Variants in SUB1 observed in about 807,000 individuals in gnomAD.
The protein encoded by SUB1 is activated RNA polymerase II transcriptional coactivator p15.
A neutral mutation model predicts 16.9 loss-of-function variants in SUB1; 1 was observed. The ratio of observed to expected loss-of-function variants is 0.06; its 90% CI spans 0.02 to 0.28. SUB1 has a LOEUF of 0.28. Among genes scored for constraint, SUB1 ranks in the 10% least tolerant of loss-of-function variants. SUB1 has a pLI of 1.00. For synonymous variants in SUB1, 51 were observed against 46.9 expected (o/e 1.09, Z -0.36); for missense variants, 84 against 145.2 (o/e 0.58, Z 2.16).
intron 4 of SUB1, 78 bp downstream of exon 4, chr5:32,599,147 T>C: frequency 9.7e-7 from 1 of 1,027,802 alleles, no homozygotes; most frequent in Non-Finnish European, 1.5e-6. Context: ...CTTGAAATGT[T>C]GGCAGGACAC....
At chr5:32,594,110 A>T (rs896303224) in intron 3 of SUB1, among the ~76,000 whole-genome samples, 5 of 152,230 alleles carry the variant, frequency 3.3e-5, no homozygotes, top group Admixed American at 6.5e-5. Flanking sequence ...ATACATAAGC[A>T]GTTCTCTAAA....
In SUB1 at chr5:32,599,165, A is replaced by C. The variant is rs527607608; in HGVS notation, c.304+96A>C. 103 of 822,148 alleles carry C rather than the reference A, an allele frequency of 1.3e-4. No individual in the cohort carries two copies. The South Asian group carries it at 1.4e-3, about 11-fold the overall frequency. 50.9% of individuals were successfully genotyped at this position (822,148 alleles called of 1,614,324 possible). On this transcript the variant is annotated intron_variant, in intron 4 of 4. Coordinates refer to ENST00000265073, the MANE Select transcript of SUB1 (RefSeq NM_006713.4). The stretch of plus-strand genomic sequence containing the variant: ...GAAATGTTGGCAGGACACACGGGGC[A>C]AGGAAGAGTCTTACTCAATTGATTC...
chr5:32,591,659 A>T lies in SUB1; in HGVS notation c.169A>T (p.Ser57Cys), dbSNP rs144427788. ...CCTGTCATCTTCTAAACAGAGCAGCAGCAGCAGAGATGATAACATGTTTCA... is the reference window on the plus strand; with the variant it reads ...CCTGTCATCTTCTAAACAGAGCAGCTGCAGCAGAGATGATAACATGTTTCA... ...RALSSSKQSS[S>C]SRDDNMFQIG... Residue 57 changes from serine (S) to cysteine (C), a missense_variant, in exon 3 of 5, where the codon AGC becomes TGC. This residue lies in a region of SUB1 where 60 missense variants were observed against 64.9 expected (regional missense o/e 0.92). Transcript: ENST00000265073. The T allele has an allele frequency of 6.3e-7, 1 of 1,592,312 alleles. No homozygotes were observed. The highest frequency in any genetic ancestry group is 1.4e-5 in the African/African-American group (1 of 73,250).
chr5:32,589,453 T>A (rs2111656705), intron 2 of SUB1, among the ~76,000 whole-genome samples: 1 of 152,352 alleles, frequency 6.6e-6, no homozygotes. Context: ...GTTTTCTGAA[T>A]TTTAGACTTG....
intron 2 of SUB1, among the ~76,000 whole-genome samples, chr5:32,590,843 C>T (rs1738806049): frequency 6.8e-6 from 1 of 146,018 alleles, no homozygotes; most frequent in African/African-American, 2.5e-5. Flanking sequence ...TCTCGGCTCA[C>T]TGCAACCTCA....
intron 3 of SUB1, chr5:32,597,357 T>C (rs1230278205): frequency 6.6e-6 from 1 of 152,218 alleles, no homozygotes; most frequent in Non-Finnish European, 1.5e-5. Flanking sequence ...GCTTATTTCA[T>C]TGACGTAGTA....
At chr5:32,588,402 A>G in intron 1 of SUB1, 110 bp from the exon 2 acceptor site, 1 of 949,824 alleles carries the variant, frequency 1.1e-6, no homozygotes, top group Non-Finnish European at 1.6e-6. Flanking sequence ...CAAAAATGGT[A>G]GAATGAACCG....
At chr5:32,595,096 C>T (rs1738925417) in intron 3 of SUB1, 2 of 151,962 alleles carry the variant, frequency 1.3e-5, no homozygotes, top group African/African-American at 4.8e-5. Context: ...ACTACTATCT[C>T]ATCACTTGTT....
intron 3 of SUB1, 132 bp downstream of exon 3, chr5:32,591,817 A>T: frequency 9.2e-7 from 1 of 1,081,458 alleles, no homozygotes. Flanking sequence ...TCTCTGCCTC[A>T]GCCTCCCGAG....
chr5:32,591,637 G>A lies in SUB1; in HGVS notation c.147G>A (p.Leu49=), dbSNP rs1306412252. The A allele has an allele frequency of 2.5e-6, 4 of 1,608,726 alleles. No individual in the cohort carries two copies. In the African/African-American group the frequency reaches 4.0e-5, roughly 16 times the overall value. Residue 49 remains leucine (L), a synonymous_variant, in exon 3 of 5, where the codon CTG becomes CTA. Transcript: ENST00000265073. ...KQKTGETSRA[L]SSSKQSSSSR... ...AGACAGGTGAGACTTCGAGAGCCCT[G>A]TCATCTTCTAAACAGAGCAGCAGCA...
chr5:32,596,603 C>G (rs946776194), intron 3 of SUB1: 6 of 152,064 alleles, frequency 3.9e-5, no homozygotes, highest in African/African-American at 1.4e-4. Flanking sequence ...CTTCCCCACC[C>G]CAAATGCAGA....
chr5:32,595,699 A>G (rs550123383), intron 3 of SUB1: 6 of 152,312 alleles, frequency 3.9e-5, no homozygotes, highest in Admixed American at 3.3e-4. Flanking sequence ...CGTAGGGTAA[A>G]TGTGTAACTG....
intron 2 of SUB1, among the ~76,000 whole-genome samples, chr5:32,589,660 A>G (rs1245626317): frequency 1.3e-5 from 2 of 152,230 alleles, no homozygotes; most frequent in African/African-American, 4.8e-5. Context: ...TCTGCGGTCA[A>G]GTCTTCCGTG....
chr5:32,599,217 T>C, intron 4 of SUB1, 148 bp downstream of exon 4: 1 of 637,542 alleles, frequency 1.6e-6, no homozygotes, highest in Admixed American at 3.3e-5. Context: ...ATTTTGGACA[T>C]GATACTTAAC....
chr5:32,593,019 AT>A (rs1020060693), intron 3 of SUB1, among the ~76,000 whole-genome samples: 1 of 150,218 alleles, frequency 6.7e-6, no homozygotes, highest in African/African-American at 2.4e-5. Context: ...CGAGACTACA[AT>A]TTTTTTTTTG....
rs1739102010 is a variant in SUB1, at chr5:32,601,018, T to C, written c.318T>C (p.Asn106=). 1.2e-6 allele frequency: 2 copies of C among 1,612,542 alleles called. No homozygotes were observed. The highest frequency in any genetic ancestry group is 1.7e-6 in the Non-Finnish European group (2 of 1,179,684). ...ACTTTGTTTTAGGTATTTCTTTAAATCCAGAACAATGGAGCCAGCTGAAGG... is the reference window on the plus strand; with the variant it reads ...ACTTTGTTTTAGGTATTTCTTTAAACCCAGAACAATGGAGCCAGCTGAAGG... ...MKPGRKGISL[N]PEQWSQLKEQ... Residue 106 remains asparagine, a synonymous_variant, in exon 5 of 5, where the codon AAT becomes AAC. Coordinates refer to ENST00000265073, the MANE Select transcript of SUB1 (RefSeq NM_006713.4).
chr5:32,598,982 A>T lies in SUB1; in HGVS notation c.217A>T (p.Ser73Cys). The T allele has an allele frequency of 6.2e-7, 1 of 1,613,508 alleles. No homozygotes were observed. ...MFQIGKMRYV[S>C]VRDFKGKVLI... ...GCAGATTGGGAAAATGAGGTACGTT[A>T]GTGTTCGCGATTTTAAAGGCAAAGT... The change falls in exon 4 of 5, where the codon AGT (serine) becomes TGT (cysteine). Residue 73 changes from serine (S) to cysteine (C), a missense_variant. Physicochemically the swap from Ser to Cys is moderately radical, Grantham distance 112. Transcript: ENST00000265073.
intron 3 of SUB1, chr5:32,597,512 T>C (rs2111679429): frequency 6.6e-6 from 1 of 152,338 alleles, no homozygotes; most frequent in Non-Finnish European, 1.5e-5. Flanking sequence ...ATAATGCTGC[T>C]ATGAACATGG....
intron 2 of SUB1, among the ~76,000 whole-genome samples, chr5:32,589,438 A>G (rs1240559951): frequency 1.3e-5 from 2 of 152,200 alleles, no homozygotes; most frequent in African/African-American, 2.4e-5. Flanking sequence ...TATTCTGCAC[A>G]TAAGGTTTTC....
Sources: gnomAD v4.1 joint callset for allele counts (sites outside exome capture counted in the v4.1 genomes callset) on GRCh38, gnomAD v4.1.1 for gene constraint, gnomAD v4.1.1 regional missense constraint, MANE v1.5 for transcripts, NCBI Gene and HGNC (gene_info 2026-07-23, HGNC 2026-07-21) for gene names.